The following SEMA3A variants were observed in gnomAD, a reference collection of about 807,000 sequenced individuals.
SEMA3A encodes the protein semaphorin 3A.
SEMA3A carries 29 observed loss-of-function variants against 97.9 expected under a neutral mutation model. The ratio of observed to expected loss-of-function variants is 0.30; its 90% confidence interval spans 0.22 to 0.40. SEMA3A has a LOEUF of 0.40. SEMA3A is among the 10% of genes least tolerant of loss of function. The pLI is 1.00. For synonymous variants in SEMA3A, 321 were observed against 323.7 expected, an observed-to-expected ratio of 0.99 and a Z score of 0.09; for missense variants, 763 against 951.3, an observed-to-expected ratio of 0.80 and a Z score of 2.60.
rs547271099 is a variant in SEMA3A, at chr7:84,478,903, A to C, written c.-246+13557T>G. Among the ~76,000 whole-genome samples, 4 of 152,238 alleles carry C rather than the reference A, an allele frequency of 2.6e-5. No individual in the cohort carries two copies. In the South Asian group the frequency reaches 8.3e-4, roughly 32 times the overall value. The stretch of plus-strand genomic sequence containing the variant: ...AATTTTCTAAGTTAAATAGAAGGTG[A>C]TATGACACGCCTGTGATTATCAACC... On this transcript the variant is annotated intron_variant, in intron 1 of 3. Coordinates refer to the SEMA3A transcript ENST00000424555.
At chr7:84,119,019 C>T (rs1583993053) in intron 3 of SEMA3A, among the ~76,000 whole-genome samples, 2 of 152,200 alleles carry the variant, frequency 1.3e-5, no homozygotes, top group Admixed American at 6.5e-5. Context: ...TAAAAATACA[C>T]ACATGCTTGT....
At chr7:84,421,460 A>G (rs1407928128) in intron 1 of SEMA3A, among the ~76,000 whole-genome samples, 3 of 152,088 alleles carry the variant, frequency 2.0e-5, no homozygotes, top group Non-Finnish European at 4.4e-5. Context: ...GTAACTGTAG[A>G]AGTAAATATA....
At chr7:84,037,096 C>T (rs1791966017) in intron 6 of SEMA3A, among the ~76,000 whole-genome samples, 1 of 151,452 alleles carries the variant, frequency 6.6e-6, no homozygotes, top group East Asian at 1.9e-4. Flanking sequence ...TTTTCCCTTT[C>T]TTCCTTCCTC....
intron 1 of SEMA3A, among the ~76,000 whole-genome samples, chr7:84,410,448 A>G (rs1002918528): frequency 1.3e-5 from 2 of 152,074 alleles, no homozygotes; most frequent in Non-Finnish European, 2.9e-5. Flanking sequence ...CAGATTGCAC[A>G]CTCCCCAGAC....
chr7:84,041,865 A>C (rs1792145056), intron 6 of SEMA3A, among the ~76,000 whole-genome samples: 1 of 152,220 alleles, frequency 6.6e-6, no homozygotes, highest in East Asian at 1.9e-4. Context: ...ATCAAAAATG[A>C]CATCATCGTT....
intron 1 of SEMA3A, among the ~76,000 whole-genome samples, chr7:84,136,077 C>T (rs1417225060): frequency 1.3e-5 from 2 of 151,966 alleles, no homozygotes; most frequent in African/African-American, 4.8e-5. Context: ...ACACACACAC[C>T]CCACCCCCAT....
intron 3 of SEMA3A, among the ~76,000 whole-genome samples, chr7:84,259,091 T>C (rs1799784196): frequency 6.6e-6 from 1 of 152,138 alleles, no homozygotes; most frequent in Non-Finnish European, 1.5e-5. Context: ...TACCTGTATT[T>C]TACATATTTT....
chr7:84,436,101 A>G (rs1805121519), intron 1 of SEMA3A, among the ~76,000 whole-genome samples: 1 of 152,204 alleles, frequency 6.6e-6, no homozygotes, highest in Non-Finnish European at 1.5e-5. Context: ...TATTCAATAA[A>G]TGGTGTTGGG....
At chr7:84,115,909 G>A (rs1291903375) in intron 3 of SEMA3A, among the ~76,000 whole-genome samples, 1 of 152,142 alleles carries the variant, frequency 6.6e-6, no homozygotes, top group African/African-American at 2.4e-5. Flanking sequence ...AGTAAGGAGA[G>A]TTACAATGTA....
intron 2 of SEMA3A, among the ~76,000 whole-genome samples, chr7:84,322,951 A>C (rs1801686112): frequency 6.6e-6 from 1 of 151,098 alleles, no homozygotes; most frequent in South Asian, 2.1e-4. Flanking sequence ...CACTGCCTAG[A>C]TTGGAAACTT....
intron 1 of SEMA3A, among the ~76,000 whole-genome samples, chr7:84,180,387 T>TA (rs1268521570): frequency 6.6e-6 from 1 of 151,916 alleles, no homozygotes; most frequent in Non-Finnish European, 1.5e-5. Context: ...TTGTATTTTT[T>TA]AAAAAATTAA....
At chr7:84,095,445 T>C (rs1288559343) in intron 4 of SEMA3A, among the ~76,000 whole-genome samples, 1 of 147,926 alleles carries the variant, frequency 6.8e-6, no homozygotes, top group Non-Finnish European at 1.5e-5. Flanking sequence ...ACTTTAAACA[T>C]AAATATAACT....
At chr7:83,991,855 C>A (rs1476628024) in intron 12 of SEMA3A, among the ~76,000 whole-genome samples, 1 of 143,528 alleles carries the variant, frequency 7.0e-6, no homozygotes, top group Non-Finnish European at 1.5e-5. Flanking sequence ...AGGGAGGATT[C>A]CCTCTTTTTC....
chr7:84,176,698 C>T (rs1797578864), intron 1 of SEMA3A, among the ~76,000 whole-genome samples: 1 of 152,138 alleles, frequency 6.6e-6, no homozygotes, highest in Non-Finnish European at 1.5e-5. Flanking sequence ...GGAGCAATTC[C>T]TGTCATTCCC....
intron 1 of SEMA3A, among the ~76,000 whole-genome samples, chr7:84,477,681 T>C (rs1806331585): frequency 6.6e-6 from 1 of 151,396 alleles, no homozygotes; most frequent in African/African-American, 2.4e-5. Context: ...TCTATAGAGG[T>C]GTTGGGGTGT....
At chr7:84,091,748 T>G (rs1794611137) in intron 4 of SEMA3A, among the ~76,000 whole-genome samples, 2 of 152,180 alleles carry the variant, frequency 1.3e-5, no homozygotes. Context: ...TTTCTCAAGA[T>G]GAATATCCAG....
intron 3 of SEMA3A, among the ~76,000 whole-genome samples, chr7:84,213,844 G>A (rs1420881407): frequency 6.6e-6 from 1 of 152,054 alleles, no homozygotes; most frequent in South Asian, 2.1e-4. Context: ...GTACCAAATA[G>A]TACTTTCATT....
chr7:84,155,409 T>A (rs1796813341), intron 1 of SEMA3A, among the ~76,000 whole-genome samples: 2 of 152,124 alleles, frequency 1.3e-5, no homozygotes, highest in Non-Finnish European at 2.9e-5. Flanking sequence ...CTTCCACATT[T>A]TGAGATGTCA....
At chr7:84,312,077 A>C (rs893292254) in intron 2 of SEMA3A, among the ~76,000 whole-genome samples, 12 of 152,028 alleles carry the variant, frequency 7.9e-5, no homozygotes, top group Non-Finnish European at 1.6e-4. Context: ...CACAGGCTGA[A>C]AATAAATGTA....
Sources: allele counts gnomAD v4.1 joint callset (sites outside exome capture counted in the v4.1 genomes callset), GRCh38; gene constraint gnomAD v4.1.1; transcripts MANE v1.5; gene names NCBI Gene and HGNC (gene_info 2026-07-23, HGNC 2026-07-21).